Variants in GSG1L observed in about 807,000 individuals in gnomAD.
GSG1L encodes the protein germ cell-specific gene 1-like protein.
GSG1L carries 24 observed loss-of-function variants against 42.1 expected under a neutral mutation model. The ratio of observed to expected loss-of-function variants is 0.57; its 90% confidence interval spans 0.41 to 0.80. The LOEUF is 0.80. Among genes scored for constraint, GSG1L ranks in the 30% least tolerant of loss-of-function variants. The probability of loss-of-function intolerance (pLI) is 0.00; values close to 1 mark genes in which losing one functional copy is unlikely to be tolerated. For missense variants in GSG1L, 445 were observed against 472.2 expected (o/e 0.94, Z 0.53); for synonymous variants, 215 against 203.5 (o/e 1.06, Z -0.48).
At chr16:27,825,002 C>T (rs551248541) in intron 5 of GSG1L, among the ~76,000 whole-genome samples, 72 of 152,230 alleles carry the variant, frequency 4.7e-4, no homozygotes, top group Non-Finnish European at 4.1e-4. Flanking sequence ...CGAGATGAGC[C>T]GCATGCCAGG....
intron 2 of GSG1L, among the ~76,000 whole-genome samples, chr16:27,955,922 AAGGAAAGAAG>A (rs1392007376): frequency 1.4e-5 from 2 of 139,166 alleles, no homozygotes; most frequent in African/African-American, 6.6e-5. Context: ...GGAAGGAAGG[AAGGAAAGAAG>A]GAAGGAAGGA....
chr16:27,901,364 C>T (rs959074915), intron 2 of GSG1L, among the ~76,000 whole-genome samples: 1 of 152,158 alleles, frequency 6.6e-6, no homozygotes, highest in African/African-American at 2.4e-5. Flanking sequence ...TGCCACCACA[C>T]GTCACAGAGG....
chr16:27,853,388 A>G (rs2083538019), intron 3 of GSG1L, among the ~76,000 whole-genome samples: 4 of 152,198 alleles, frequency 2.6e-5, no homozygotes, highest in Admixed American at 1.3e-4. Context: ...TCTTGGTAGC[A>G]TATTTCAGGG....
chr16:27,827,964 C>T (rs1596539246), intron 5 of GSG1L, among the ~76,000 whole-genome samples: 1 of 149,022 alleles, frequency 6.7e-6, no homozygotes, highest in East Asian at 2.0e-4. Context: ...TACCCATCCA[C>T]CAACACACCT....
At chr16:27,824,823 C>A (rs929773481) in intron 5 of GSG1L, among the ~76,000 whole-genome samples, 1 of 152,184 alleles carries the variant, frequency 6.6e-6, no homozygotes, top group Non-Finnish European at 1.5e-5. Context: ...GTGTTTTACC[C>A]ACAGATGCCC....
chr16:27,934,196 A>C (rs1379273678), intron 2 of GSG1L, among the ~76,000 whole-genome samples: 1 of 152,216 alleles, frequency 6.6e-6, no homozygotes, highest in Non-Finnish European at 1.5e-5. Context: ...AATTCAAAAT[A>C]AATGTACAGG....
intron 2 of GSG1L, among the ~76,000 whole-genome samples, chr16:27,906,660 T>C (rs898228817): frequency 6.6e-6 from 1 of 152,154 alleles, no homozygotes; most frequent in African/African-American, 2.4e-5. Flanking sequence ...ATGTAAGCTC[T>C]TCATCAAGGA....
At chr16:27,901,721 G>C (rs2084260444) in intron 2 of GSG1L, among the ~76,000 whole-genome samples, 1 of 152,168 alleles carries the variant, frequency 6.6e-6, no homozygotes, top group Non-Finnish European at 1.5e-5. Context: ...AATACCATCG[G>C]GTCTCTCTCC....
Position 28,040,932 on chromosome 16 carries a change from C to T in GSG1L, c.349+22144G>A, listed in dbSNP as rs1293008866. Among the ~76,000 whole-genome samples, 2 of 152,240 alleles carry T rather than the reference C, an allele frequency of 1.3e-5. No homozygotes were observed. The highest frequency in any genetic ancestry group is 4.8e-5 in the African/African-American group (2 of 41,458). ...CAGCAAATGTGTGCTGTGCACTGAG[C>T]CTGTGCCAAGTGCTAGGGTGAGGAC... On this transcript the variant is annotated intron_variant, in intron 1 of 6. Transcript: ENST00000447459. This position sits in a 1 kb window ranked among gnomAD's most constrained non-coding sequence, Gnocchi z 4.1.
At chr16:27,993,210 G>A (rs981207585) in intron 1 of GSG1L, among the ~76,000 whole-genome samples, 5 of 152,042 alleles carry the variant, frequency 3.3e-5, no homozygotes, top group Admixed American at 6.5e-5. Flanking sequence ...GTGCAGTGGT[G>A]CAATCTTGGC....
intron 1 of GSG1L, among the ~76,000 whole-genome samples, chr16:27,986,871 A>G (rs1481012906): frequency 1.3e-5 from 2 of 152,258 alleles, no homozygotes; most frequent in Admixed American, 1.3e-4. Flanking sequence ...CCCTGAACTC[A>G]GTGGTCCAGT....
At chr16:27,912,991 G>GT (rs890864294) in intron 2 of GSG1L, among the ~76,000 whole-genome samples, 4 of 150,780 alleles carry the variant, frequency 2.7e-5, no homozygotes, top group African/African-American at 7.4e-5. Flanking sequence ...TTGTGTGTGT[G>GT]TGTTTTTTTT....
intron 3 of GSG1L, among the ~76,000 whole-genome samples, chr16:27,873,677 G>A (rs1029185915): frequency 3.3e-5 from 5 of 152,184 alleles, no homozygotes; most frequent in African/African-American, 1.2e-4. Context: ...GGGGATGGGG[G>A]CTTAGAATTA....
chr16:28,019,982 G>A (rs916047995), intron 1 of GSG1L, among the ~76,000 whole-genome samples: 9 of 152,138 alleles, frequency 5.9e-5, no homozygotes, highest in East Asian at 1.9e-4. Flanking sequence ...CACCTGTCTC[G>A]CCTTGTAGGC....
intron 1 of GSG1L, among the ~76,000 whole-genome samples, chr16:28,049,304 C>T (rs1021718179): frequency 9.2e-5 from 14 of 152,054 alleles, no homozygotes; most frequent in Non-Finnish European, 7.4e-5. Flanking sequence ...AAATACTATG[C>T]TAAATTTTAT....
intron 3 of GSG1L, among the ~76,000 whole-genome samples, chr16:27,848,747 G>C (rs562382126): frequency 6.6e-6 from 1 of 151,880 alleles, no homozygotes; most frequent in Admixed American, 6.6e-5. Context: ...GTTAGGGAGA[G>C]CATCTCAGAG....
chr16:27,929,958 A>T (rs529272747), intron 2 of GSG1L, among the ~76,000 whole-genome samples: 36 of 152,268 alleles, frequency 2.4e-4, no homozygotes. Flanking sequence ...GGCCATGTGC[A>T]ATAGCCAAGC....
intron 1 of GSG1L, among the ~76,000 whole-genome samples, chr16:27,975,085 A>G (rs1366717178): frequency 6.6e-6 from 1 of 152,106 alleles, no homozygotes; most frequent in Non-Finnish European, 1.5e-5. Flanking sequence ...CCGGGACTTG[A>G]GAATCGGTCT....
chr16:28,006,049 A>C (rs1424389306), intron 1 of GSG1L, among the ~76,000 whole-genome samples: 1 of 152,138 alleles, frequency 6.6e-6, no homozygotes, highest in African/African-American at 2.4e-5. Flanking sequence ...AAGCCAGGTG[A>C]GAAAAATTCA....
Sources: allele counts gnomAD v4.1 joint callset (sites outside exome capture counted in the v4.1 genomes callset), GRCh38; gene constraint gnomAD v4.1.1; non-coding constraint Gnocchi (gnomAD v3.1); transcripts MANE v1.5; gene names NCBI Gene and HGNC (gene_info 2026-07-23, HGNC 2026-07-21).